LTBP1: variants seen among roughly 807,000 people sequenced by gnomAD.
The protein encoded by LTBP1 is latent-transforming growth factor beta-binding protein 1.
In LTBP1, 129 loss-of-function variants were observed where a neutral mutation model predicts 207.6. The observed-to-expected ratio is 0.62, with a 90% CI of 0.54 to 0.72. The LOEUF (loss-of-function observed/expected upper bound fraction) is 0.72, where lower values mean the gene tolerates loss of function less well. Ranked by LOEUF, LTBP1 falls within the 30% of genes least tolerant of loss-of-function variation. The probability of loss-of-function intolerance (pLI) is 0.00; values close to 1 mark genes in which losing one functional copy is unlikely to be tolerated. For missense variants in LTBP1, 2,281 were observed against 2,217.2 expected, an observed-to-expected ratio of 1.03 and a Z score of -0.58; for synonymous variants, 963 against 833.7, an observed-to-expected ratio of 1.16 and a Z score of -2.67.
chr2:33,101,862 A>G (rs2079760114), intron 3 of LTBP1, among the ~76,000 whole-genome samples: 1 of 152,240 alleles, frequency 6.6e-6, no homozygotes. Context: ...CTTGTTAAAT[A>G]ACTTACTCAG....
At chr2:33,186,355 A>G (rs1445793447) in intron 5 of LTBP1, among the ~76,000 whole-genome samples, 1 of 152,204 alleles carries the variant, frequency 6.6e-6, no homozygotes, top group African/African-American at 2.4e-5. Flanking sequence ...CATCATGGAG[A>G]ATGAGGTGAG....
intron 3 of LTBP1, among the ~76,000 whole-genome samples, chr2:33,081,163 A>G (rs1386408518): frequency 6.6e-6 from 1 of 152,046 alleles, no homozygotes; most frequent in African/African-American, 2.4e-5. Flanking sequence ...TTGGTGTCTC[A>G]GTGTCTTTGA....
At chr2:33,207,765 A>G (rs1415709808) in intron 7 of LTBP1, among the ~76,000 whole-genome samples, 1 of 152,238 alleles carries the variant, frequency 6.6e-6, no homozygotes, top group Non-Finnish European at 1.5e-5. Context: ...TTTTTGATGC[A>G]TAGAAATAAG....
chr2:33,305,328 T>C (rs2094070210), intron 22 of LTBP1, among the ~76,000 whole-genome samples: 1 of 151,750 alleles, frequency 6.6e-6, no homozygotes, highest in South Asian at 2.1e-4. Flanking sequence ...TGTCTCAAAA[T>C]ATATATATAT....
chr2:33,254,549 GTTTTTTTTTT>G (rs531576154), intron 11 of LTBP1, among the ~76,000 whole-genome samples: 2 of 95,586 alleles, frequency 2.1e-5, no homozygotes, highest in Admixed American at 1.1e-4. Context: ...TTTAAACTTG[GTTTTTTTTTT>G]TTTTTTTTTA....
intron 24 of LTBP1, among the ~76,000 whole-genome samples, chr2:33,338,528 C>T (rs2094578601): frequency 6.6e-6 from 1 of 152,156 alleles, no homozygotes; most frequent in Non-Finnish European, 1.5e-5. Flanking sequence ...GTTAAAGGTT[C>T]CTCACCCTGA....
intron 3 of LTBP1, among the ~76,000 whole-genome samples, chr2:33,102,213 C>T (rs1313328932): frequency 6.6e-6 from 1 of 151,966 alleles, no homozygotes; most frequent in South Asian, 2.1e-4. Context: ...TAGTAGCCCA[C>T]GTTTAGAGCG....
At chr2:33,308,421 A>C (rs1267583675) in intron 22 of LTBP1, among the ~76,000 whole-genome samples, 1 of 152,146 alleles carries the variant, frequency 6.6e-6, no homozygotes, top group Non-Finnish European at 1.5e-5. Context: ...AAGTGACTTA[A>C]ACTAGGTTTT....
chr2:33,160,866 A>T (rs957084885), intron 5 of LTBP1, among the ~76,000 whole-genome samples: 4 of 152,148 alleles, frequency 2.6e-5, no homozygotes, highest in African/African-American at 4.8e-5. Context: ...TAGGTTAATA[A>T]TTTTTGTTAG....
chr2:33,228,697 C>CTTT lies in LTBP1; in HGVS notation c.1876+6565_1876+6567dup, dbSNP rs1244221993. 2.9e-3 allele frequency among the ~76,000 whole-genome samples: 292 copies of CTTT among 98,996 alleles called. 32 individuals are homozygous for CTTT. Among genetic ancestry groups the CTTT allele is most frequent in the African/African-American group, 6.6e-3 (159 of 24,212 alleles). 64.9% of individuals were successfully genotyped at this position (98,996 alleles called of 152,430 possible). ...TAATAAGCCCAACCAGGGTTATACC[C>CTTT]TTTTTTTTTTTTTTTTTTTTTGAGA... is the stretch of plus-strand genomic sequence containing the variant. On this transcript the variant is annotated intron_variant, in intron 9 of 33. Transcript: ENST00000404816.
chr2:33,301,299 G>C (rs921825090), intron 21 of LTBP1, among the ~76,000 whole-genome samples: 7 of 152,060 alleles, frequency 4.6e-5, no homozygotes, highest in Admixed American at 2.0e-4. Context: ...ACTGTATAAG[G>C]CCATTGTTTC....
chr2:33,365,178 T>C (rs553484505), intron 30 of LTBP1, among the ~76,000 whole-genome samples, 155 bp from the exon 31 acceptor site: 1 of 152,280 alleles, frequency 6.6e-6, no homozygotes, highest in Non-Finnish European at 1.5e-5. Flanking sequence ...TGACAGAGAA[T>C]TGATCCATTG....
At chr2:33,355,157 C>T (rs1014344368) in intron 26 of LTBP1, among the ~76,000 whole-genome samples, 3 of 151,948 alleles carry the variant, frequency 2.0e-5, no homozygotes, top group Admixed American at 6.6e-5. Flanking sequence ...TCATGACGCC[C>T]GAGTGTCAGG....
chr2:33,056,715 G>T (rs529619633), intron 3 of LTBP1, among the ~76,000 whole-genome samples: 1 of 151,904 alleles, frequency 6.6e-6, no homozygotes, highest in Non-Finnish European at 1.5e-5. Context: ...GCAGACCTTC[G>T]TGGTGAGTGT....
At chr2:33,224,816 G>A (rs1485581264) in intron 9 of LTBP1, among the ~76,000 whole-genome samples, 1 of 152,022 alleles carries the variant, frequency 6.6e-6, no homozygotes, top group East Asian at 1.9e-4. Flanking sequence ...CTTGAATTAG[G>A]CTTGCCAGTG....
intron 2 of LTBP1, among the ~76,000 whole-genome samples, chr2:33,019,328 CTTTTTTTTT>C (rs58570641): frequency 4.6e-5 from 4 of 87,670 alleles, no homozygotes; most frequent in Admixed American, 1.4e-4. Context: ...ATGTACACTT[CTTTTTTTTT>C]TTTTTTTTTT....
chr2:33,119,065 A>G (rs2080952231), intron 4 of LTBP1, among the ~76,000 whole-genome samples: 1 of 152,144 alleles, frequency 6.6e-6, no homozygotes, highest in Non-Finnish European at 1.5e-5. Context: ...AGGGCCCAAG[A>G]GTTTATAAGA....
At chr2:33,396,275 A>C (rs550333329) in intron 32 of LTBP1, among the ~76,000 whole-genome samples, 1 of 151,912 alleles carries the variant, frequency 6.6e-6, no homozygotes, top group Admixed American at 6.6e-5. Context: ...CAGGCTGGAC[A>C]GTGGCCGTGA....
chr2:33,202,429 G>T (rs2089412837), intron 7 of LTBP1, among the ~76,000 whole-genome samples: 1 of 152,150 alleles, frequency 6.6e-6, no homozygotes, highest in Non-Finnish European at 1.5e-5. Context: ...GGGGAGCTGA[G>T]ACATTGAGTT....
Sources: gnomAD v4.1 joint callset for allele counts (sites outside exome capture counted in the v4.1 genomes callset) on GRCh38, gnomAD v4.1.1 for gene constraint, MANE v1.5 for transcripts, NCBI Gene and HGNC (gene_info 2026-07-23, HGNC 2026-07-21) for gene names.